The following FOXP1 variants were observed in gnomAD, a reference collection of about 807,000 sequenced individuals.
FOXP1 encodes the protein forkhead box P1, also known as forkhead box protein P1.
Under a neutral mutation model 98.2 loss-of-function variants are expected in FOXP1, and 15 were observed. The ratio of observed to expected loss-of-function variants is 0.15; its 90% CI spans 0.10 to 0.24. The LOEUF is 0.24. Among genes scored for constraint, FOXP1 ranks in the 10% least tolerant of loss-of-function variants. The probability of loss-of-function intolerance (pLI) is 1.00; values close to 1 mark genes in which losing one functional copy is unlikely to be tolerated. For missense variants in FOXP1, 633 were observed against 848.5 expected, an observed-to-expected ratio of 0.75 and a Z score of 3.15; for synonymous variants, 371 against 314.5, an observed-to-expected ratio of 1.18 and a Z score of -1.90.
intron 5 of FOXP1, among the ~76,000 whole-genome samples, chr3:71,246,032 T>A (rs1560179743): frequency 1.4e-5 from 2 of 147,854 alleles, no homozygotes; most frequent in African/African-American, 5.0e-5. Flanking sequence ...GAGTGAAACA[T>A]CCCACTCAAA....
At chr3:71,312,246 G>A (rs927238642) in intron 4 of FOXP1, among the ~76,000 whole-genome samples, 1 of 152,212 alleles carries the variant, frequency 6.6e-6, no homozygotes, top group Non-Finnish European at 1.5e-5. Context: ...AGTTCAACAA[G>A]CTCAGCATCT....
intron 1 of FOXP1, among the ~76,000 whole-genome samples, chr3:71,583,079 C>T (rs1018306747): frequency 2.6e-5 from 4 of 151,714 alleles, no homozygotes; most frequent in Non-Finnish European, 5.9e-5. Flanking sequence ...CCCGCACCGG[C>T]CCCGCGCCCG....
chr3:71,401,035 C>T (rs1369872549), intron 3 of FOXP1, among the ~76,000 whole-genome samples: 1 of 152,126 alleles, frequency 6.6e-6, no homozygotes, highest in Admixed American at 6.5e-5. Context: ...TAAGACGAGT[C>T]CTTCCGTACG....
At chr3:71,397,008 GTA>G (rs377470035) in intron 3 of FOXP1, among the ~76,000 whole-genome samples, 720 of 20,260 alleles carry the variant, frequency 0.036, 136 homozygotes, top group Middle Eastern at 0.23. Context: ...ATATATATGT[GTA>G]TATATATATA....
chr3:71,249,137 C>T (rs925129747), intron 5 of FOXP1, among the ~76,000 whole-genome samples: 3 of 152,162 alleles, frequency 2.0e-5, no homozygotes, highest in African/African-American at 7.2e-5. Context: ...ATGTGGATGC[C>T]AGAGGCCATA....
At chr3:71,387,661 T>C (rs919846588) in intron 3 of FOXP1, among the ~76,000 whole-genome samples, 1 of 152,218 alleles carries the variant, frequency 6.6e-6, no homozygotes, top group African/African-American at 2.4e-5. Context: ...TGCATAACAA[T>C]TCTTAAAAGC....
At chr3:71,489,390 G>C (rs1410336574) in intron 3 of FOXP1, among the ~76,000 whole-genome samples, 1 of 152,224 alleles carries the variant, frequency 6.6e-6, no homozygotes, top group Non-Finnish European at 1.5e-5. Flanking sequence ...CTACCAGCAA[G>C]GGACAACCTA....
At chr3:71,160,197 T>C (rs536142176) in intron 6 of FOXP1, among the ~76,000 whole-genome samples, 73 of 152,244 alleles carry the variant, frequency 4.8e-4, no homozygotes, top group African/African-American at 8.9e-4. Flanking sequence ...CTTTTTTTTT[T>C]CCCCAACTTG....
At chr3:71,213,368 A>C (rs1405150361) in intron 5 of FOXP1, among the ~76,000 whole-genome samples, 4 of 152,260 alleles carry the variant, frequency 2.6e-5, no homozygotes, top group African/African-American at 9.6e-5. Context: ...TCCTTAACAC[A>C]TAAGACCTTT....
chr3:71,393,024 T>C (rs1323634000), intron 3 of FOXP1, among the ~76,000 whole-genome samples: 2 of 152,156 alleles, frequency 1.3e-5, no homozygotes, highest in Non-Finnish European at 2.9e-5. Flanking sequence ...AATGAAGAAA[T>C]GGGCTATTTT....
At chr3:71,537,044 G>A (rs571561238) in intron 2 of FOXP1, among the ~76,000 whole-genome samples, 1 of 152,306 alleles carries the variant, frequency 6.6e-6, no homozygotes, top group Non-Finnish European at 1.5e-5. Context: ...GCGAGTAGAA[G>A]ACTGAGGCCA....
intron 20 of FOXP1, among the ~76,000 whole-genome samples, chr3:70,960,832 A>T (rs942683321): frequency 1.3e-5 from 2 of 149,058 alleles, no homozygotes; most frequent in Admixed American, 1.3e-4. Context: ...TGTTACCTTT[A>T]AAAAAATAAT....
At chr3:71,469,062 G>A (rs2089066547) in intron 3 of FOXP1, among the ~76,000 whole-genome samples, 1 of 152,136 alleles carries the variant, frequency 6.6e-6, no homozygotes, top group African/African-American at 2.4e-5. Flanking sequence ...AATCAGAGAG[G>A]AAATGACAGT....
At chr3:71,085,288 G>A (rs1270849887) in intron 7 of FOXP1, among the ~76,000 whole-genome samples, 1 of 151,976 alleles carries the variant, frequency 6.6e-6, no homozygotes, top group African/African-American at 2.4e-5. Flanking sequence ...GACTCCAGGT[G>A]CATAACACCA....
At chr3:71,370,968 A>AT (rs1362430399) in intron 3 of FOXP1, among the ~76,000 whole-genome samples, 1 of 151,652 alleles carries the variant, frequency 6.6e-6, no homozygotes, top group African/African-American at 2.4e-5. Flanking sequence ...CGCCCAGCTA[A>AT]TTTTTTTAGT....
intron 5 of FOXP1, among the ~76,000 whole-genome samples, chr3:71,235,114 C>T (rs1450516130): frequency 7.8e-6 from 1 of 127,674 alleles, no homozygotes; most frequent in Non-Finnish European, 1.7e-5. Flanking sequence ...GTGAAGGCTT[C>T]CATTTATTCT....
intron 6 of FOXP1, among the ~76,000 whole-genome samples, chr3:71,127,392 T>C (rs574958105): frequency 6.6e-6 from 1 of 152,354 alleles, no homozygotes; most frequent in African/African-American, 2.4e-5. Flanking sequence ...CAACATCATA[T>C]TGAGTTAAAG....
At chr3:71,206,746 G>A (rs750726097) in intron 5 of FOXP1, among the ~76,000 whole-genome samples, 14 of 152,180 alleles carry the variant, frequency 9.2e-5, no homozygotes, top group Non-Finnish European at 1.8e-4. Flanking sequence ...AGACACCAAT[G>A]AGCACAGATA....
intron 13 of FOXP1, among the ~76,000 whole-genome samples, chr3:70,999,040 A>C (rs2041774878): frequency 6.6e-6 from 1 of 152,220 alleles, no homozygotes; most frequent in Non-Finnish European, 1.5e-5. Flanking sequence ...AGCTCCTATC[A>C]CTTTATAAGT....
Sources: gnomAD v4.1 joint callset for allele counts (sites outside exome capture counted in the v4.1 genomes callset) on GRCh38, gnomAD v4.1.1 for gene constraint, MANE v1.5 for transcripts, NCBI Gene and HGNC (gene_info 2026-07-23, HGNC 2026-07-21) for gene names.